Variants in MROH2A observed in about 807,000 individuals in gnomAD.
MROH2A encodes the protein maestro heat like repeat family member 2A, also known as maestro heat-like repeat-containing protein family member 2A.
MROH2A carries 174 observed loss-of-function variants against 200.4 expected under a neutral mutation model. The observed-to-expected ratio is 0.87, with a 90% CI of 0.77 to 0.98. The LOEUF (loss-of-function observed/expected upper bound fraction) is 0.98, where lower values mean the gene tolerates loss of function less well. Among genes scored for constraint, MROH2A ranks in the 50% least tolerant of loss-of-function variants. The probability of loss-of-function intolerance (pLI) is 0.00; values close to 1 mark genes in which losing one functional copy is unlikely to be tolerated. For missense variants in MROH2A, 2,045 were observed against 2,139.6 expected (o/e 0.96, Z 0.87); for synonymous variants, 829 against 840.4 (o/e 0.99, Z 0.23).
rs188592590 is a variant in MROH2A, at chr2:233,790,957, G to A, written c.571+943G>A. 4.6e-5 allele frequency among the ~76,000 whole-genome samples: 7 copies of A among 152,312 alleles called. No homozygotes were observed. The East Asian group carries it at 7.7e-4, about 17-fold the overall frequency. On this transcript the variant is annotated intron_variant, in intron 5 of 41. Coordinates refer to ENST00000389758, the MANE Select transcript of MROH2A (RefSeq NM_001394639.1). Reference sequence around the variant, plus strand: ...TCTCTGCAGCCCTTGTTGAGGTAGCGATATTTCAGCTAAGACCTGAAGGCA... The same window carrying A: ...TCTCTGCAGCCCTTGTTGAGGTAGCAATATTTCAGCTAAGACCTGAAGGCA...
At chr2:233,788,270 TAATAATAATAA>T (rs896603923) in intron 3 of MROH2A, among the ~76,000 whole-genome samples, 2 of 9,162 alleles carry the variant, frequency 2.2e-4, no homozygotes, top group African/African-American at 2.2e-3. Context: ...GGAGTAATAA[TAATAATAATAA>T]TAATAATAAT....
chr2:233,818,341 A>G (rs930472519), intron 28 of MROH2A, among the ~76,000 whole-genome samples: 25 of 152,116 alleles, frequency 1.6e-4, no homozygotes, highest in Non-Finnish European at 3.7e-4. Flanking sequence ...GCCCAGATTG[A>G]CCCATGGAGG....
At chr2:233,789,112 G>A (rs911268005) in intron 3 of MROH2A, among the ~76,000 whole-genome samples, 5 of 152,102 alleles carry the variant, frequency 3.3e-5, no homozygotes, top group Non-Finnish European at 7.3e-5. Flanking sequence ...GGAATTGGAA[G>A]AGAGTAAGAG....
rs1336312058 is a variant in MROH2A at position 233,800,258 on chromosome 2, C to T, written c.1503C>T (p.His501=). The T allele has an allele frequency of 1.9e-6, 3 of 1,550,334 alleles. No individual in the cohort carries two copies. The Admixed American group carries it at 5.9e-5, about 30-fold the overall frequency. ...GGGACTTGGAGGAGAGGATGGTCCA[C>T]AAAGTCACCATGGACACTGTGAAGA... ...YQRDLEERMV[H]KVTMDTVKII... The change falls in exon 14 of 42, where the codon CAC becomes CAT. Residue 501 remains histidine (H), a synonymous_variant. Coordinates refer to ENST00000389758, the MANE Select transcript of MROH2A (RefSeq NM_001394639.1).
In MROH2A at chr2:233,800,232, A is replaced by C; in HGVS notation, c.1477A>C (p.Arg493=). Residue 493 remains arginine, a synonymous_variant, in exon 14 of 42, where the codon AGG becomes CGG. Coordinates refer to ENST00000389758, the MANE Select transcript of MROH2A (RefSeq NM_001394639.1). ...LTNRREKFYQ[R]DLEERMVHKV... ...AAATCGCCGGGAGAAGTTTTATCAG[A>C]GGGACTTGGAGGAGAGGATGGTCCA... 6.5e-7 allele frequency: 1 copy of C among 1,549,796 alleles called. No individual in the cohort carries two copies. Among genetic ancestry groups the C allele is most frequent in the South Asian group, 1.2e-5 (1 of 83,994 alleles).
chr2:233,831,951 G>A (rs1171005952), intron 39 of MROH2A, among the ~76,000 whole-genome samples: 1 of 152,200 alleles, frequency 6.6e-6, no homozygotes, highest in Non-Finnish European at 1.5e-5. Flanking sequence ...CACATGGCTT[G>A]TGGCTACCAT....
intron 12 of MROH2A, among the ~76,000 whole-genome samples, chr2:233,799,441 T>C (rs1275051260): frequency 6.6e-6 from 1 of 152,146 alleles, no homozygotes; most frequent in Non-Finnish European, 1.5e-5. Context: ...TGCATCTCCT[T>C]CACATAGTGA....
At chr2:233,817,015 C>T (rs968976602) in intron 27 of MROH2A, 130 bp downstream of exon 27, 11 of 599,694 alleles carry the variant, frequency 1.8e-5, no homozygotes, top group Non-Finnish European at 3.2e-5. Flanking sequence ...TTGGGAGAGG[C>T]TGCAGTGACC....
At chr2:233,797,266 G>A (rs1193047461) in intron 11 of MROH2A, among the ~76,000 whole-genome samples, 1 of 152,168 alleles carries the variant, frequency 6.6e-6, no homozygotes, top group Non-Finnish European at 1.5e-5. Context: ...GTGCTCAATT[G>A]GATACGGACC....
Position 233,818,132 on chromosome 2 carries a change from G to C in MROH2A, c.3085+7G>C. 47 of 1,550,144 alleles carry C rather than the reference G, an allele frequency of 3.0e-5. No homozygotes were observed. The highest frequency in any genetic ancestry group is 4.1e-5 in the Non-Finnish European group (47 of 1,146,982). The stretch of plus-strand genomic sequence containing the variant: ...AGCCTGCTAGATCTTCACGGTATGA[G>C]AGGGCAGGACATGAGGACCAGCTCC... On this transcript the variant is annotated splice_region_variant and intron_variant, in intron 28 of 41. Transcript: ENST00000389758.
Position 233,829,740 on chromosome 2 carries a change from C to G in MROH2A, c.4567C>G (p.Leu1523Val). Reference sequence around the variant, plus strand: ...GAAGAAGGCCTGGATCCCCCTCATGCTGCACTCCCAGGACCCCTGCTCCAA... The same window carrying G: ...GAAGAAGGCCTGGATCCCCCTCATGGTGCACTCCCAGGACCCCTGCTCCAA... ...EVKKAWIPLM[L>V]HSQDPCSNAA... The change falls in exon 38 of 42, where the codon CTG (leucine) becomes GTG (valine). Residue 1523 changes from leucine to valine, a missense_variant. Around this residue, in one of 3 missense-constraint regions of MROH2A, gnomAD observed 1,201 missense variants for 1,311.3 expected, o/e 0.92. Coordinates refer to ENST00000389758, the MANE Select transcript of MROH2A (RefSeq NM_001394639.1). 1 of 1,464,234 alleles carries G rather than the reference C, an allele frequency of 6.8e-7. No individual in the cohort carries two copies. The allele number at this position is 1,464,234 out of a possible 1,614,324, so 90.7% of individuals were successfully genotyped here. A position where few individuals can be genotyped will look rare whatever the true frequency, so the allele number is the denominator to read the frequency against.
intron 38 of MROH2A, 46 bp from the exon 39 acceptor site, chr2:233,831,363 C>A: frequency 6.6e-7 from 1 of 1,514,148 alleles, no homozygotes; most frequent in South Asian, 1.3e-5. Flanking sequence ...TCTGGGGAAC[C>A]ACGTGGCCTG....
rs540860244 is a variant in MROH2A, at chr2:233,807,628, G to T, written c.2172+86G>T. 5.7e-5 allele frequency: 75 copies of T among 1,306,730 alleles called. No individual in the cohort carries two copies. Among genetic ancestry groups the T allele is most frequent in the Middle Eastern group, 2.2e-4 (1 of 4,582 alleles). 80.9% of individuals were successfully genotyped at this position (1,306,730 alleles called of 1,614,324 possible). A position where few individuals can be genotyped will look rare whatever the true frequency, so the allele number is the denominator to read the frequency against. On this transcript the variant is annotated intron_variant, in intron 20 of 41. Coordinates refer to ENST00000389758, the MANE Select transcript of MROH2A (RefSeq NM_001394639.1). The surrounding 1 kb of genome is among the most constrained non-coding windows in gnomAD (Gnocchi z 4.3). ...GTGTTCATGTGGCTGCATGCGTTTT[G>T]TGTGTGTGTGTGTACATGTGTGTGT...
At chr2:233,815,169 C>T (rs1703431941) in intron 26 of MROH2A, among the ~76,000 whole-genome samples, 1 of 152,184 alleles carries the variant, frequency 6.6e-6, no homozygotes, top group South Asian at 2.1e-4. Flanking sequence ...CTTTGTTCTC[C>T]TTTCATCTGG....
In MROH2A at chr2:233,828,403, A is replaced by G. The variant is rs1704464903; in HGVS notation, c.4114-227A>G. Reference sequence around the variant, plus strand: ...AATGACGAATTTATATATATACGTAACACTTATCTAGCATTCCCCCCATAT... The same window carrying G: ...AATGACGAATTTATATATATACGTAGCACTTATCTAGCATTCCCCCCATAT... On this transcript the variant is annotated intron_variant, in intron 35 of 41. Coordinates refer to ENST00000389758, the MANE Select transcript of MROH2A (RefSeq NM_001394639.1). The surrounding 1 kb of genome is among the most constrained non-coding windows in gnomAD (Gnocchi z 4.6). Among the ~76,000 whole-genome samples the G allele has an allele frequency of 6.6e-6, 1 of 152,150 alleles. No homozygotes were observed. The highest frequency in any genetic ancestry group is 6.5e-5 in the Admixed American group (1 of 15,280).
rs968523741 is a variant in MROH2A, at chr2:233,818,915, C to T, written c.3204+145C>T. 5 of 619,654 alleles carry T rather than the reference C, an allele frequency of 8.1e-6. No homozygotes were observed. The African/African-American group carries it at 9.2e-5, about 11-fold the overall frequency. 38.4% of individuals were successfully genotyped at this position (619,654 alleles called of 1,614,324 possible). A position where few individuals can be genotyped will look rare whatever the true frequency, so the allele number is the denominator to read the frequency against. On this transcript the variant is annotated intron_variant, in intron 29 of 41. Coordinates refer to ENST00000389758, the MANE Select transcript of MROH2A (RefSeq NM_001394639.1). ...CCACGGCCTTTGGCCCAACTGCTGC[C>T]CTCTGTGTTGAAAGGGCCTGCAGTA...
chr2:233,803,508 C>T lies in MROH2A; in HGVS notation c.1749+20C>T. On this transcript the variant is annotated intron_variant, in intron 16 of 41. Coordinates refer to ENST00000389758, the MANE Select transcript of MROH2A (RefSeq NM_001394639.1). ...CTCCTGGTGAGTGGCTGACCTGCAC[C>T]ATGCCCTGGCCTGGCAAGGCCATGC... The T allele has an allele frequency of 6.5e-7, 1 of 1,550,132 alleles. No individual in the cohort carries two copies.
chr2:233,803,900 T>A, intron 16 of MROH2A, 151 bp from the exon 17 acceptor site: 1 of 1,022,688 alleles, frequency 9.8e-7, no homozygotes, highest in South Asian at 1.6e-5. Context: ...CTTCCTGTAG[T>A]GTCCTCTGCA....
chr2:233,831,600 G>T, intron 39 of MROH2A, 60 bp downstream of exon 39: 1 of 1,510,170 alleles, frequency 6.6e-7, no homozygotes, highest in African/African-American at 1.4e-5. Context: ...GCTTGGAGCT[G>T]GGGGGTCGAG....
Sources: allele counts gnomAD v4.1 joint callset (sites outside exome capture counted in the v4.1 genomes callset), GRCh38; gene constraint gnomAD v4.1.1; regional missense constraint gnomAD v4.1.1; non-coding constraint Gnocchi (gnomAD v3.1); transcripts MANE v1.5; gene names NCBI Gene and HGNC (gene_info 2026-07-23, HGNC 2026-07-21).